The following KIF16B variants were observed in gnomAD, a reference collection of about 807,000 sequenced individuals.
KIF16B encodes kinesin family member 16B.
Under a neutral mutation model 156.3 loss-of-function variants are expected in KIF16B, and 98 were observed. The ratio of observed to expected loss-of-function variants is 0.63; its 90% CI spans 0.53 to 0.74. The LOEUF (loss-of-function observed/expected upper bound fraction) is 0.74, where lower values mean the gene tolerates loss of function less well. Among genes scored for constraint, KIF16B ranks in the 30% least tolerant of loss-of-function variants. The pLI is 0.00. For missense variants in KIF16B, 1,421 were observed against 1,606.5 expected, an observed-to-expected ratio of 0.88 and a Z score of 1.97; for synonymous variants, 564 against 583.7, an observed-to-expected ratio of 0.97 and a Z score of 0.49.
Position 16,311,818 on chromosome 20 carries a change from AG to A in KIF16B, c.3795+516del, listed in dbSNP as rs2063623430. On this transcript the variant is annotated intron_variant, in intron 25 of 25. Coordinates refer to ENST00000354981, the MANE Select transcript of KIF16B (RefSeq NM_024704.5). ...AATGTGCATTGGCAGTGAGGCAGTC[AG>A]AAAAACAACACTTGTGTTAAACCAG... Among the ~76,000 whole-genome samples, 4 of 152,386 alleles carry A rather than the reference AG, an allele frequency of 2.6e-5. No individual in the cohort carries two copies. The South Asian group carries it at 8.3e-4, about 32-fold the overall frequency.
At chr20:16,522,050 C>G (rs749964437) in intron 3 of KIF16B, among the ~76,000 whole-genome samples, 22 of 152,168 alleles carry the variant, frequency 1.4e-4, no homozygotes, top group Non-Finnish European at 2.6e-4. Context: ...ACAACTGGTA[C>G]CAGCCACTGC....
intron 25 of KIF16B, among the ~76,000 whole-genome samples, chr20:16,287,701 A>C (rs930524350): frequency 6.6e-6 from 1 of 152,238 alleles, no homozygotes; most frequent in African/African-American, 2.4e-5. Flanking sequence ...CAGGGTATTA[A>C]GTAGTTTCAG....
intron 17 of KIF16B, among the ~76,000 whole-genome samples, chr20:16,402,504 T>G (rs1445390611): frequency 6.6e-6 from 1 of 152,112 alleles, no homozygotes; most frequent in Non-Finnish European, 1.5e-5. Context: ...CAATGTACAG[T>G]GAAGAAGGGA....
At chr20:16,441,035 G>T (rs2066785788) in intron 12 of KIF16B, among the ~76,000 whole-genome samples, 1 of 152,166 alleles carries the variant, frequency 6.6e-6, no homozygotes, top group Non-Finnish European at 1.5e-5. Flanking sequence ...TTTAAGTAGA[G>T]CAGCATCTTC....
intron 24 of KIF16B, among the ~76,000 whole-genome samples, chr20:16,334,333 T>C (rs8118662): frequency 0.098 from 14,911 of 152,326 alleles, 732 homozygotes; most frequent in South Asian, 0.14. Context: ...AGCTGCTCTG[T>C]ACATTTCATA....
At chr20:16,297,697 GAAAA>G (rs35929179) in intron 25 of KIF16B, among the ~76,000 whole-genome samples, 1 of 103,952 alleles carries the variant, frequency 9.6e-6, no homozygotes, top group Non-Finnish European at 2.0e-5. Flanking sequence ...CTCCATCTCA[GAAAA>G]AAAAAAAAAA....
intron 2 of KIF16B, 126 bp downstream of exon 2, chr20:16,528,245 G>A (rs980288914): frequency 5.9e-5 from 40 of 681,940 alleles, no homozygotes; most frequent in African/African-American, 1.3e-4. Flanking sequence ...GCAAGCTGAC[G>A]TGGCTAACTG....
At chr20:16,317,784 C>T (rs923100219) in intron 24 of KIF16B, among the ~76,000 whole-genome samples, 4 of 152,242 alleles carry the variant, frequency 2.6e-5, no homozygotes, top group Admixed American at 6.5e-5. Context: ...TGGCCTGCCA[C>T]CCTCACCCTC....
In KIF16B at chr20:16,317,087, A is replaced by G. The variant is rs142426942; in HGVS notation, c.3712-4669T>C. 3.5e-4 allele frequency among the ~76,000 whole-genome samples: 54 copies of G among 152,368 alleles called. No individual in the cohort carries two copies. The East Asian group carries it at 0.01, about 29-fold the overall frequency. On this transcript the variant is annotated intron_variant, in intron 24 of 25. Coordinates refer to ENST00000354981, the MANE Select transcript of KIF16B (RefSeq NM_024704.5). ...TTTATTTGATTTCTCACGTTAAATA[A>G]AAAGTTTAAAATTAAATCAGAAATA...
At chr20:16,360,231 T>C (rs2064526115) in intron 22 of KIF16B, among the ~76,000 whole-genome samples, 1 of 152,188 alleles carries the variant, frequency 6.6e-6, no homozygotes, top group African/African-American at 2.4e-5. Context: ...TCCTAAACTA[T>C]GTTTATACTG....
At chr20:16,432,974 T>G (rs758799111) in intron 12 of KIF16B, among the ~76,000 whole-genome samples, 1 of 152,150 alleles carries the variant, frequency 6.6e-6, no homozygotes, top group Non-Finnish European at 1.5e-5. Context: ...TCAGTAACAT[T>G]GATTTACTAT....
At chr20:16,402,825 G>C (rs1175286068) in intron 17 of KIF16B, among the ~76,000 whole-genome samples, 1 of 152,148 alleles carries the variant, frequency 6.6e-6, no homozygotes, top group African/African-American at 2.4e-5. Context: ...AAAGTTCTGA[G>C]GATGAAAACT....
intron 12 of KIF16B, among the ~76,000 whole-genome samples, chr20:16,468,077 A>G (rs1179088375): frequency 6.6e-6 from 1 of 152,212 alleles, no homozygotes; most frequent in Non-Finnish European, 1.5e-5. Flanking sequence ...GAAAAGACAT[A>G]CATTTTCAGA....
At chr20:16,336,113 A>C (rs1360178723) in intron 23 of KIF16B, 98 bp from the exon 24 acceptor site, 1 of 709,302 alleles carries the variant, frequency 1.4e-6, no homozygotes, top group African/African-American at 1.8e-5. Context: ...AAAAGTGATT[A>C]GCATGTAAAA....
chr20:16,480,781 A>C lies in KIF16B; in HGVS notation c.1302+13510T>G, dbSNP rs183750389. ...CATCTCTTCACACTTTGTGTATGTT[A>C]AATCTCAATCAAAAACCAATTCAAA... is the stretch of plus-strand genomic sequence containing the variant. On this transcript the variant is annotated intron_variant, in intron 12 of 25. Coordinates refer to ENST00000354981, the MANE Select transcript of KIF16B (RefSeq NM_024704.5). Among the ~76,000 whole-genome samples, 58 of 152,326 alleles carry C rather than the reference A, an allele frequency of 3.8e-4. 1 individual carries two copies. The highest frequency in any genetic ancestry group is 3.3e-3 in the Admixed American group (51 of 15,296).
At chr20:16,274,075 T>TAAAAAAAAAAAAAAAA (rs56847164) in intron 25 of KIF16B, among the ~76,000 whole-genome samples, 1 of 118,782 alleles carries the variant, frequency 8.4e-6, no homozygotes. Context: ...GAAAGATGAT[T>TAAAAAAAAAAAAAAAA]AAAAAAAAAA....
At chr20:16,439,930 G>A (rs959568276) in intron 12 of KIF16B, among the ~76,000 whole-genome samples, 5 of 152,142 alleles carry the variant, frequency 3.3e-5, no homozygotes, top group Non-Finnish European at 5.9e-5. Context: ...TTCAAGATGA[G>A]ATTTGGGTGG....
chr20:16,508,395 G>A (rs571388242), intron 6 of KIF16B, among the ~76,000 whole-genome samples: 64 of 152,244 alleles, frequency 4.2e-4, no homozygotes, highest in Middle Eastern at 6.8e-3. Flanking sequence ...ATAGGGCCAC[G>A]GTCCCCAACT....
At chr20:16,357,856 T>C (rs937411790) in intron 22 of KIF16B, among the ~76,000 whole-genome samples, 2 of 152,200 alleles carry the variant, frequency 1.3e-5, no homozygotes, top group African/African-American at 4.8e-5. Context: ...ATTAATTGTT[T>C]ATCATAATGG....
Sources: gnomAD v4.1 joint callset for allele counts (sites outside exome capture counted in the v4.1 genomes callset) on GRCh38, gnomAD v4.1.1 for gene constraint, MANE v1.5 for transcripts, NCBI Gene and HGNC (gene_info 2026-07-23, HGNC 2026-07-21) for gene names.